The following AKAP13 variants were observed in gnomAD, a reference collection of about 807,000 sequenced individuals.
AKAP13 encodes A-kinase anchoring protein 13.
Under a neutral mutation model 264.5 loss-of-function variants are expected in AKAP13, and 80 were observed. The ratio of observed to expected loss-of-function variants is 0.30; its 90% CI spans 0.25 to 0.36. The LOEUF (loss-of-function observed/expected upper bound fraction) is 0.36, where lower values mean the gene tolerates loss of function less well. AKAP13 is among the 10% of genes least tolerant of loss of function. The pLI is 1.00. For missense variants in AKAP13, 3,712 were observed against 3,435.2 expected (o/e 1.08, Z -2.01); for synonymous variants, 1,380 against 1,250.2 (o/e 1.10, Z -2.19).
rs566579814 is a variant in AKAP13, at chr15:85,504,503, C to CAAAAAAAAAAAAAAAAAAAAAAA, written c.34-16915_34-16893dup. Among the ~76,000 whole-genome samples the CAAAAAAAAAAAAAAAAAAAAAAA allele has an allele frequency of 5.1e-4, 46 of 91,032 alleles. 3 individuals are homozygous for CAAAAAAAAAAAAAAAAAAAAAAA. The highest frequency in any genetic ancestry group is 1.4e-3 in the African/African-American group (28 of 19,654). The allele number at this position is 91,032 out of a possible 152,430, so 59.7% of individuals were successfully genotyped here. On this transcript the variant is annotated intron_variant, in intron 2 of 36. Transcript: ENST00000394518. Reference sequence around the variant, plus strand: ...GCGATGTGGTGAGACCCTGTCTTTACAAAAAAAAAAAAAAAAAAAAAAAAA... The same window carrying CAAAAAAAAAAAAAAAAAAAAAAA: ...GCGATGTGGTGAGACCCTGTCTTTACAAAAAAAAAAAAAAAAAAAAAAAAAAAAAAAAAAAAAAAAAAAAAAAA...
intron 2 of AKAP13, among the ~76,000 whole-genome samples, chr15:85,506,514 A>G (rs987590452): frequency 1.4e-5 from 2 of 144,938 alleles, no homozygotes; most frequent in African/African-American, 5.1e-5. Flanking sequence ...AGAATTTTAT[A>G]TATACATATA....
At chr15:85,706,873 A>G (rs1030227039) in intron 17 of AKAP13, among the ~76,000 whole-genome samples, 2 of 152,184 alleles carry the variant, frequency 1.3e-5, no homozygotes, top group South Asian at 4.1e-4. Flanking sequence ...AAGTGTTACA[A>G]AAGGCATGGA....
chr15:85,553,197 C>G (rs1000356669), intron 5 of AKAP13, among the ~76,000 whole-genome samples: 2 of 150,930 alleles, frequency 1.3e-5, no homozygotes, highest in African/African-American at 4.9e-5. Context: ...AACAATTCTC[C>G]TGCCTTGGCC....
At position 85,543,733 on chromosome 15, in the gene AKAP13, A is replaced by T. The variant is rs571857815; in HGVS notation, c.479-39A>T. 6 of 1,554,348 alleles carry T rather than the reference A, an allele frequency of 3.9e-6. No individual in the cohort carries two copies. In the Admixed American group the frequency reaches 6.0e-5, roughly 16 times the overall value. On this transcript the variant is annotated intron_variant, in intron 4 of 36. Coordinates refer to ENST00000394518, the MANE Select transcript of AKAP13 (RefSeq NM_007200.5). ...ATGTTTGTTTGTTTTTTGTTTTTATATTTTCCTCACTTACGTTCATTTTCT... is the reference window on the plus strand; with the variant it reads ...ATGTTTGTTTGTTTTTTGTTTTTATTTTTTCCTCACTTACGTTCATTTTCT...
At chr15:85,717,501 C>G (rs2087017750) in intron 21 of AKAP13, 99 bp downstream of exon 21, 3 of 803,030 alleles carry the variant, frequency 3.7e-6, no homozygotes, top group Non-Finnish European at 6.1e-6. Context: ...GTACCTGCCT[C>G]TTCTGTATCC....
chr15:85,461,984 T>C (rs941993465), intron 1 of AKAP13, among the ~76,000 whole-genome samples: 2 of 152,230 alleles, frequency 1.3e-5, no homozygotes, highest in African/African-American at 2.4e-5. Flanking sequence ...GTAAATCTTA[T>C]ATGAATACCA....
chr15:85,633,535 C>CTTTTTTTT (rs56687591), intron 8 of AKAP13, among the ~76,000 whole-genome samples: 13 of 97,738 alleles, frequency 1.3e-4, no homozygotes, highest in Non-Finnish European at 2.4e-4. Context: ...CTTTTTTTTT[C>CTTTTTTTT]TTTTTTTTTT....
At chr15:85,641,011 A>T (rs971715487) in intron 9 of AKAP13, among the ~76,000 whole-genome samples, 5 of 152,186 alleles carry the variant, frequency 3.3e-5, no homozygotes, top group African/African-American at 1.2e-4. Context: ...TGCAGATCAG[A>T]ATTATGCTAC....
At chr15:85,722,141 C>A (rs531206178) in intron 24 of AKAP13, 25 bp downstream of exon 24, 1 of 1,612,922 alleles carries the variant, frequency 6.2e-7, no homozygotes, top group Non-Finnish European at 8.5e-7. Flanking sequence ...CATGAAAATC[C>A]CCGTTATTGT....
intron 1 of AKAP13, among the ~76,000 whole-genome samples, chr15:85,473,523 G>T (rs1323150579): frequency 1.3e-5 from 2 of 152,134 alleles, no homozygotes; most frequent in Non-Finnish European, 2.9e-5. Context: ...GGCCCCACAG[G>T]AGGCCCCCAC....
chr15:85,587,711 A>G (rs2079418139), intron 8 of AKAP13, among the ~76,000 whole-genome samples: 1 of 152,074 alleles, frequency 6.6e-6, no homozygotes, highest in Non-Finnish European at 1.5e-5. Context: ...CAATGGCAGG[A>G]TCTTGGCTCA....
intron 3 of AKAP13, among the ~76,000 whole-genome samples, chr15:85,526,954 ATTT>A (rs11073395): frequency 1.7e-4 from 22 of 131,280 alleles, no homozygotes; most frequent in Non-Finnish European, 2.1e-4. Flanking sequence ...CTTAGTTGTA[ATTT>A]TTTTTTTTTT....
rs567809578 is a variant in AKAP13, at chr15:85,479,995, T to C, written c.-11-5715T>C. Among the ~76,000 whole-genome samples the C allele has an allele frequency of 2.0e-5, 3 of 152,316 alleles. No homozygotes were observed. The South Asian group carries it at 6.2e-4, about 32-fold the overall frequency. On this transcript the variant is annotated intron_variant, in intron 1 of 36. Transcript: ENST00000394518. The stretch of plus-strand genomic sequence containing the variant: ...TTTTTACTTATTTCCAGTACAGTTG[T>C]GATGTATTGAATGACAAGGGACTTT...
rs1239537998 is a variant in AKAP13, at chr15:85,468,963, G to A, written c.-11-16747G>A. 5.6e-5 allele frequency among the ~76,000 whole-genome samples: 6 copies of A among 107,134 alleles called. 2 individuals carry two copies. Among genetic ancestry groups the A allele is most frequent in the African/African-American group, 2.6e-4 (6 of 23,124 alleles). 70.3% of individuals were successfully genotyped at this position (107,134 alleles called of 152,430 possible). ...GACTTTTGCTCTTGTCACCCAGGCT[G>A]GAGTGCAATGGCGTGATCTCAGCTC... On this transcript the variant is annotated intron_variant, in intron 1 of 36. Coordinates refer to ENST00000394518, the MANE Select transcript of AKAP13 (RefSeq NM_007200.5).
At chr15:85,499,907 T>C (rs959990415) in intron 2 of AKAP13, among the ~76,000 whole-genome samples, 1 of 152,204 alleles carries the variant, frequency 6.6e-6, no homozygotes, top group Admixed American at 6.5e-5. Flanking sequence ...GAATTATTAT[T>C]TTATTGCTCT....
At chr15:85,450,393 C>T (rs2150977051) in intron 1 of AKAP13, among the ~76,000 whole-genome samples, 1 of 151,462 alleles carries the variant, frequency 6.6e-6, no homozygotes, top group Non-Finnish European at 1.5e-5. Flanking sequence ...TGTTATTTCT[C>T]TTCTTCTGCT....
intron 12 of AKAP13, chr15:85,662,303 C>T (rs1050612295): frequency 2.9e-6 from 4 of 1,359,836 alleles, no homozygotes; most frequent in Non-Finnish European, 4.2e-6. Flanking sequence ...TCTAACTATG[C>T]CCTTCGTTTT....
chr15:85,466,180 G>A (rs1441048315), intron 1 of AKAP13, among the ~76,000 whole-genome samples: 7 of 149,696 alleles, frequency 4.7e-5, no homozygotes, highest in Admixed American at 6.6e-5. Context: ...CATGTCCTTT[G>A]CCCACTTTTT....
In AKAP13 at chr15:85,741,193, A is replaced by G. The variant is rs895294404; in HGVS notation, c.7756A>G (p.Asn2586Asp). 4.3e-6 allele frequency: 7 copies of G among 1,611,182 alleles called. No homozygotes were observed. The highest frequency in any genetic ancestry group is 5.9e-6 in the Non-Finnish European group (7 of 1,178,778). ...GGAGAAGCAGCGCCAGGACCTGGCCAACCTGCAGAAGCAGCAGGCCCAGTA... is the reference window on the plus strand; with the variant it reads ...GGAGAAGCAGCGCCAGGACCTGGCCGACCTGCAGAAGCAGCAGGCCCAGTA... ...SLEKQRQDLA[N>D]LQKQQAQYLE... The change falls in exon 35 of 37, where the codon AAC (asparagine) becomes GAC (aspartate). Residue 2586 changes from asparagine (N) to aspartate (D), a missense_variant. Asn to Asp is a conservative substitution (Grantham distance 23). Transcript: ENST00000394518.
Sources: allele counts gnomAD v4.1 joint callset (sites outside exome capture counted in the v4.1 genomes callset), GRCh38; gene constraint gnomAD v4.1.1; transcripts MANE v1.5; gene names NCBI Gene and HGNC (gene_info 2026-07-23, HGNC 2026-07-21).